Variants in SLIT2 observed in about 807,000 individuals in gnomAD.
The protein encoded by SLIT2 is slit guidance ligand 2.
In SLIT2, 41 loss-of-function variants were observed where a neutral mutation model predicts 185.7. The ratio of observed to expected loss-of-function variants is 0.22; its 90% CI spans 0.17 to 0.29. The LOEUF (loss-of-function observed/expected upper bound fraction) is 0.29, where lower values mean the gene tolerates loss of function less well. Among genes scored for constraint, SLIT2 ranks in the 10% least tolerant of loss-of-function variants. SLIT2 has a pLI of 1.00. For missense variants in SLIT2, 1,571 were observed against 1,909.0 expected (o/e 0.82, Z 3.30); for synonymous variants, 693 against 680.2 (o/e 1.02, Z -0.29).
chr4:20,314,097 A>G (rs1445702388), intron 4 of SLIT2, among the ~76,000 whole-genome samples: 1 of 152,218 alleles, frequency 6.6e-6, no homozygotes, highest in Non-Finnish European at 1.5e-5. Flanking sequence ...CCCCATATTA[A>G]GAATACATGG....
chr4:20,258,950 T>C (rs1400128242), intron 3 of SLIT2, among the ~76,000 whole-genome samples: 1 of 151,792 alleles, frequency 6.6e-6, no homozygotes, highest in Non-Finnish European at 1.5e-5. Context: ...TAATTCCCTG[T>C]AATTGTCCAT....
intron 4 of SLIT2, among the ~76,000 whole-genome samples, chr4:20,445,499 G>T (rs1711665428): frequency 6.6e-6 from 1 of 152,158 alleles, no homozygotes; most frequent in African/African-American, 2.4e-5. Flanking sequence ...GTTAGACATT[G>T]TCATTTCTGC....
At chr4:20,326,394 G>A (rs149226470) in intron 4 of SLIT2, among the ~76,000 whole-genome samples, 2 of 151,962 alleles carry the variant, frequency 1.3e-5, no homozygotes, top group Admixed American at 6.6e-5. Context: ...GTTTCAAAGG[G>A]CATTTGATTC....
intron 18 of SLIT2, among the ~76,000 whole-genome samples, chr4:20,538,317 A>G (rs1290568947): frequency 6.6e-6 from 1 of 152,244 alleles, no homozygotes; most frequent in Non-Finnish European, 1.5e-5. Flanking sequence ...ATTAAGACCC[A>G]GTGCTCTTCA....
chr4:20,410,250 T>TTC (rs1471415654), intron 4 of SLIT2, among the ~76,000 whole-genome samples: 1 of 130,870 alleles, frequency 7.6e-6, no homozygotes, highest in African/African-American at 2.9e-5. Context: ...TTTCTTTTTT[T>TTC]TTTTTTTTTT....
chr4:20,395,057 A>G (rs1725776367), intron 4 of SLIT2, among the ~76,000 whole-genome samples: 1 of 151,998 alleles, frequency 6.6e-6, no homozygotes, highest in Admixed American at 6.6e-5. Flanking sequence ...ACCTGTCCCA[A>G]ACCTCTTTTA....
intron 22 of SLIT2, among the ~76,000 whole-genome samples, chr4:20,547,373 T>A (rs528936272): frequency 6.6e-6 from 1 of 152,064 alleles, no homozygotes; most frequent in Admixed American, 6.6e-5. Flanking sequence ...CAAATGAGGA[T>A]TTGTGGATCC....
intron 7 of SLIT2, among the ~76,000 whole-genome samples, chr4:20,488,428 A>G (rs1165747337): frequency 6.6e-6 from 1 of 152,194 alleles, no homozygotes; most frequent in Non-Finnish European, 1.5e-5. Flanking sequence ...TGATATTTCA[A>G]ACTGGGAGCC....
chr4:20,525,299 G>A, intron 15 of SLIT2, 127 bp downstream of exon 15: 1 of 673,368 alleles, frequency 1.5e-6, no homozygotes, highest in Non-Finnish European at 2.7e-6. Flanking sequence ...ATTGACTTAT[G>A]CATATATCAC....
chr4:20,481,653 T>A (rs1716714320), intron 6 of SLIT2, among the ~76,000 whole-genome samples: 1 of 152,086 alleles, frequency 6.6e-6, no homozygotes, highest in Admixed American at 6.6e-5. Flanking sequence ...TTATTAAAAG[T>A]TATCGAGAAA....
chr4:20,502,059 A>T (rs537525502), intron 9 of SLIT2, among the ~76,000 whole-genome samples: 2 of 152,204 alleles, frequency 1.3e-5, no homozygotes, highest in Non-Finnish European at 2.9e-5. Context: ...ATATACTCAC[A>T]CACACACAAA....
intron 6 of SLIT2, among the ~76,000 whole-genome samples, chr4:20,481,473 C>T (rs751529852): frequency 1.3e-5 from 2 of 151,860 alleles, no homozygotes; most frequent in Non-Finnish European, 2.9e-5. Flanking sequence ...CATTATATGC[C>T]GCCTATACAT....
intron 4 of SLIT2, among the ~76,000 whole-genome samples, chr4:20,293,063 G>A (rs1020747435): frequency 5.9e-5 from 9 of 152,180 alleles, no homozygotes; most frequent in African/African-American, 2.2e-4. Context: ...ATAGAAAGAG[G>A]GGGGAAAAAG....
In SLIT2 at chr4:20,388,908, CATATAATAT is replaced by C. The variant is rs1725174610; in HGVS notation, c.396-78831_396-78823del. Reference sequence around the variant, plus strand: ...TAAAACATAATATATATAATATATACATATAATATATATAATATATAATATATACACACA... The same window carrying C: ...TAAAACATAATATATATAATATATACATATAATATATAATATATACACACA... On this transcript the variant is annotated intron_variant, in intron 4 of 36. Coordinates refer to ENST00000504154, the MANE Select transcript of SLIT2 (RefSeq NM_004787.4). 2.9e-5 allele frequency among the ~76,000 whole-genome samples: 4 copies of C among 137,374 alleles called. No homozygotes were observed. In the East Asian group the frequency reaches 6.1e-4, roughly 21 times the overall value. 90.1% of individuals were successfully genotyped at this position (137,374 alleles called of 152,430 possible). A position where few individuals can be genotyped will look rare whatever the true frequency, so the allele number is the denominator to read the frequency against.
Position 20,562,156 on chromosome 4 carries a change from C to G in SLIT2, c.2726-5106C>G, listed in dbSNP as rs114606158. 6.4e-3 allele frequency among the ~76,000 whole-genome samples: 976 copies of G among 151,906 alleles called. 21 individuals are homozygous for G. Among genetic ancestry groups the G allele is most frequent in the African/African-American group, 0.023 (938 of 41,438 alleles). ...TGTCATCTGGAGATCATCTCCACCC[C>G]TCCACTGAAACTAGAACACCAGTAT... is the stretch of plus-strand genomic sequence containing the variant. On this transcript the variant is annotated intron_variant, in intron 26 of 36. Coordinates refer to ENST00000504154, the MANE Select transcript of SLIT2 (RefSeq NM_004787.4).
intron 6 of SLIT2, 93 bp downstream of exon 6, chr4:20,480,880 T>A: frequency 2.2e-6 from 2 of 906,648 alleles, no homozygotes; most frequent in Non-Finnish European, 3.6e-6. Context: ...AAAACCTTGT[T>A]GTCAAAATAG....
At chr4:20,369,429 G>A (rs1165488152) in intron 4 of SLIT2, among the ~76,000 whole-genome samples, 1 of 152,094 alleles carries the variant, frequency 6.6e-6, no homozygotes, top group Non-Finnish European at 1.5e-5. Flanking sequence ...CAGCCATTTA[G>A]CTTGTTGGCT....
At chr4:20,450,573 C>G (rs1487458578) in intron 4 of SLIT2, among the ~76,000 whole-genome samples, 1 of 152,320 alleles carries the variant, frequency 6.6e-6, no homozygotes, top group Admixed American at 6.5e-5. Context: ...AAGATCTACT[C>G]TACTGAAAAA....
chr4:20,529,013 G>C lies in SLIT2; in HGVS notation c.1527G>C (p.Lys509Asn). ...DCFADLACPE[K>N]CRCEGTTVDC... ...TTGCGGATCTGGCTTGCCCTGAAAA[G>C]TGTCGCTGTGAAGGAACCACAGTAG... The change falls in exon 16 of 37, where the codon AAG becomes AAC. Residue 509 changes from lysine (K) to asparagine (N), a missense_variant. Lys to Asn is a moderately conservative substitution (Grantham distance 94, BLOSUM62 0). This residue lies in a region of SLIT2 where 1,202 missense variants were observed against 1,416.4 expected (regional missense o/e 0.85). Coordinates refer to ENST00000504154, the MANE Select transcript of SLIT2 (RefSeq NM_004787.4). The C allele has an allele frequency of 6.2e-7, 1 of 1,613,948 alleles. No homozygotes were observed. Among genetic ancestry groups the C allele is most frequent in the Non-Finnish European group, 8.5e-7 (1 of 1,179,934 alleles).
Sources: allele counts gnomAD v4.1 joint callset (sites outside exome capture counted in the v4.1 genomes callset), GRCh38; gene constraint gnomAD v4.1.1; regional missense constraint gnomAD v4.1.1; transcripts MANE v1.5; gene names NCBI Gene and HGNC (gene_info 2026-07-23, HGNC 2026-07-21).